EBF1: variants seen among roughly 807,000 people sequenced by gnomAD.
The protein encoded by EBF1 is transcription factor COE1.
A neutral mutation model predicts 68.4 loss-of-function variants in EBF1; 10 were observed. That is an observed-to-expected ratio of 0.15 (90% CI 0.09 to 0.25). The LOEUF (loss-of-function observed/expected upper bound fraction) is 0.25. EBF1 is among the 10% of genes least tolerant of loss of function. EBF1 has a pLI of 1.00. For missense variants in EBF1, 509 were observed against 794.4 expected (o/e 0.64, Z 4.32); for synonymous variants, 298 against 299.8 (o/e 0.99, Z 0.06).
chr5:159,085,069 T>A (rs1365519855), intron 4 of EBF1, among the ~76,000 whole-genome samples: 4 of 152,190 alleles, frequency 2.6e-5, no homozygotes, highest in Admixed American at 6.5e-5. Context: ...GCTTAGCAGA[T>A]TGAGATACTA....
intron 6 of EBF1, among the ~76,000 whole-genome samples, chr5:159,027,383 T>C (rs545180757): frequency 2.0e-4 from 31 of 152,172 alleles, no homozygotes; most frequent in Non-Finnish European, 3.7e-4. Context: ...CCAGGAGCCT[T>C]CTCAGACCAC....
At chr5:158,745,453 G>A (rs1229804922) in intron 10 of EBF1, among the ~76,000 whole-genome samples, 1 of 152,162 alleles carries the variant, frequency 6.6e-6, no homozygotes, top group African/African-American at 2.4e-5. Flanking sequence ...GCAAGGAAAA[G>A]GTTTGAACCC....
chr5:159,064,434 T>C (rs1021149173), intron 6 of EBF1, among the ~76,000 whole-genome samples: 4 of 152,166 alleles, frequency 2.6e-5, no homozygotes, highest in Non-Finnish European at 5.9e-5. Context: ...ACCAATAAAG[T>C]GGATAGTTCC....
At chr5:159,079,395 TC>T (rs1270414433) in intron 5 of EBF1, among the ~76,000 whole-genome samples, 4 of 152,190 alleles carry the variant, frequency 2.6e-5, no homozygotes, top group African/African-American at 9.7e-5. Flanking sequence ...GTTAGTTTCT[TC>T]ACTGCCGACA....
rs1774916421 is a variant in EBF1 at position 159,057,115 on chromosome 5, T to C, written c.554+16281A>G. 4.8e-5 allele frequency among the ~76,000 whole-genome samples: 7 copies of C among 145,264 alleles called. No individual in the cohort carries two copies. The South Asian group carries it at 1.6e-3, about 33-fold the overall frequency. The stretch of plus-strand genomic sequence containing the variant: ...TTTTCTTTTCTTTTCTTTTTTTTTT[T>C]TTTTTTTTTGAGATGGAGTCTCACT... On this transcript the variant is annotated intron_variant, in intron 6 of 15. Transcript: ENST00000313708.
At chr5:158,893,939 T>C (rs1474049322) in intron 6 of EBF1, among the ~76,000 whole-genome samples, 1 of 152,140 alleles carries the variant, frequency 6.6e-6, no homozygotes, top group Non-Finnish European at 1.5e-5. Flanking sequence ...ATCTGAGAAA[T>C]CTTACAAAGA....
intron 6 of EBF1, among the ~76,000 whole-genome samples, chr5:159,064,287 G>A (rs1420269887): frequency 1.3e-5 from 2 of 152,130 alleles, no homozygotes; most frequent in Non-Finnish European, 2.9e-5. Flanking sequence ...AAAATGTGCT[G>A]TGGATAGCAA....
chr5:158,995,218 T>A (rs1034501840), intron 6 of EBF1, among the ~76,000 whole-genome samples: 2 of 152,210 alleles, frequency 1.3e-5, no homozygotes, highest in African/African-American at 4.8e-5. Context: ...CTTTTTCTAC[T>A]TCTCCCCAAT....
At chr5:158,849,540 C>T (rs1463975376) in intron 6 of EBF1, among the ~76,000 whole-genome samples, 1 of 152,192 alleles carries the variant, frequency 6.6e-6, no homozygotes, top group Non-Finnish European at 1.5e-5. Context: ...ACTTGTCACA[C>T]TTGGTCTTCA....
At chr5:158,761,687 A>T (rs569253889) in intron 10 of EBF1, among the ~76,000 whole-genome samples, 20 of 152,320 alleles carry the variant, frequency 1.3e-4, no homozygotes, top group African/African-American at 4.1e-4. Flanking sequence ...CTGGTGAGTT[A>T]AGCTAGAGAT....
intron 11 of EBF1, among the ~76,000 whole-genome samples, chr5:158,723,995 C>T (rs1283286086): frequency 6.6e-6 from 1 of 152,122 alleles, no homozygotes; most frequent in African/African-American, 2.4e-5. Flanking sequence ...CCAGGCTAAA[C>T]TCCCTGGATA....
chr5:158,699,042 C>T lies in EBF1; in HGVS notation c.*69G>A, dbSNP rs1353554309. The T allele has an allele frequency of 1.4e-6, 2 of 1,441,944 alleles. No individual in the cohort carries two copies. The highest frequency in any genetic ancestry group is 1.4e-5 in the South Asian group (1 of 71,516). 89.3% of individuals were successfully genotyped at this position (1,441,944 alleles called of 1,614,324 possible). On this transcript the variant is annotated 3_prime_UTR_variant, in exon 16 of 16. Coordinates refer to ENST00000313708, the MANE Select transcript of EBF1 (RefSeq NM_024007.5). ...CTGAGTTAAAAGTTCCACTCTGGGA[C>T]TTGTATCAGATTACTCTCTGTAGCA...
chr5:159,018,309 G>A (rs779820871), intron 6 of EBF1, among the ~76,000 whole-genome samples: 7 of 152,238 alleles, frequency 4.6e-5, no homozygotes, highest in South Asian at 2.1e-4. Flanking sequence ...GTGGGAGTTA[G>A]TGTCTCAAGT....
At chr5:158,922,517 AAG>A (rs2127408312) in intron 6 of EBF1, among the ~76,000 whole-genome samples, 1 of 152,358 alleles carries the variant, frequency 6.6e-6, no homozygotes, top group East Asian at 1.9e-4. Flanking sequence ...GTGGATAACA[AAG>A]AGAATTAATG....
intron 6 of EBF1, among the ~76,000 whole-genome samples, chr5:158,996,667 G>A (rs1482624961): frequency 2.6e-5 from 4 of 152,134 alleles, no homozygotes; most frequent in African/African-American, 9.7e-5. Flanking sequence ...ATCCACTTAA[G>A]CAGCCTTACA....
intron 6 of EBF1, among the ~76,000 whole-genome samples, chr5:159,020,136 A>C (rs1256197057): frequency 5.3e-5 from 8 of 152,084 alleles, no homozygotes; most frequent in Non-Finnish European, 1.2e-4. Context: ...CAGGATTCTA[A>C]GTGTCCTTAC....
At position 158,784,400 on chromosome 5, in the gene EBF1, G is replaced by T. The variant is rs189220507; in HGVS notation, c.910-6861C>A. On this transcript the variant is annotated intron_variant, in intron 9 of 15. Coordinates refer to ENST00000313708, the MANE Select transcript of EBF1 (RefSeq NM_024007.5). ...GCCTTTGAAAGCATGGATTGTATCT[G>T]CAGCTTTTCCCATACCTTGAAATGA... 2.2e-3 allele frequency among the ~76,000 whole-genome samples: 332 copies of T among 152,232 alleles called. 4 individuals carry two copies. Among genetic ancestry groups the T allele is most frequent in the African/African-American group, 7.8e-3 (325 of 41,554 alleles).
intron 8 of EBF1, among the ~76,000 whole-genome samples, chr5:158,809,285 A>G (rs374319212): frequency 7.2e-5 from 11 of 152,316 alleles, no homozygotes; most frequent in African/African-American, 1.4e-4. Context: ...TTTACAAATG[A>G]CATAGCTGAA....
At chr5:158,826,693 T>C (rs76027855) in intron 7 of EBF1, among the ~76,000 whole-genome samples, 354 of 152,322 alleles carry the variant, frequency 2.3e-3, no homozygotes, top group African/African-American at 7.8e-3. Flanking sequence ...ACTCAGCATG[T>C]TCCAGGGTAC....
Sources: gnomAD v4.1 joint callset for allele counts (sites outside exome capture counted in the v4.1 genomes callset) on GRCh38, gnomAD v4.1.1 for gene constraint, MANE v1.5 for transcripts, NCBI Gene and HGNC (gene_info 2026-07-23, HGNC 2026-07-21) for gene names.